The following RCC2 variants were observed in gnomAD, a reference collection of about 807,000 sequenced individuals.
RCC2 encodes regulator of chromosome condensation 2, also known as protein RCC2.
RCC2 carries 19 observed loss-of-function variants against 64.1 expected under a neutral mutation model. The ratio of observed to expected loss-of-function variants is 0.30; its 90% CI spans 0.21 to 0.44. RCC2 has a LOEUF of 0.44. RCC2 is among the 20% of genes least tolerant of loss of function. RCC2 has a pLI of 1.00. For missense variants in RCC2, 508 were observed against 710.4 expected, an observed-to-expected ratio of 0.72 and a Z score of 3.24; for synonymous variants, 325 against 279.6, an observed-to-expected ratio of 1.16 and a Z score of -1.62.
At chr1:17,421,637 G>A (rs753162383) in intron 6 of RCC2, among the ~76,000 whole-genome samples, 4 of 152,132 alleles carry the variant, frequency 2.6e-5, no homozygotes, top group Non-Finnish European at 4.4e-5. Context: ...AACAGAACAG[G>A]CTTACGACAA....
chr1:17,412,920 G>A (rs886919542), intron 10 of RCC2, among the ~76,000 whole-genome samples, 153 bp downstream of exon 10: 4 of 152,118 alleles, frequency 2.6e-5, no homozygotes, highest in Admixed American at 6.5e-5. Flanking sequence ...CTGTACCCCC[G>A]GACTCTGGGA....
intron 2 of RCC2, among the ~76,000 whole-genome samples, chr1:17,431,347 A>T (rs1254302974): frequency 5.7e-5 from 3 of 53,022 alleles, no homozygotes; most frequent in African/African-American, 2.4e-4. Context: ...AAAAAAAAAA[A>T]AAAAAAAAAA....
chr1:17,409,247 G>A (rs2075399264), intron 12 of RCC2, 53 bp from the exon 13 acceptor site: 2 of 1,125,920 alleles, frequency 1.8e-6, no homozygotes, highest in Non-Finnish European at 2.7e-6. Flanking sequence ...ACTAATCAAT[G>A]CGTTGAAGAG....
In RCC2 at chr1:17,438,529, GGA is replaced by G. The variant is rs746200288; in HGVS notation, c.-8-9_-8-8del. On this transcript the variant is annotated splice_region_variant and splice_polypyrimidine_tract_variant and intron_variant, in intron 1 of 12. Transcript: ENST00000375436. ...TTCCTGGGCATGGTCGCGGCTGGAG[GGA>G]GACACGGGGCAGCGGCGCACAATGG... 138 of 1,326,778 alleles carry G rather than the reference GGA, an allele frequency of 1.0e-4. No individual in the cohort carries two copies. The highest frequency in any genetic ancestry group is 1.3e-4 in the Non-Finnish European group (133 of 1,040,200). The allele number at this position is 1,326,778 out of a possible 1,614,324, so 82.2% of individuals were successfully genotyped here.
intron 3 of RCC2, among the ~76,000 whole-genome samples, chr1:17,426,531 TCTGCTCAGCC>T (rs963884569): frequency 9.2e-5 from 14 of 152,002 alleles, no homozygotes; most frequent in African/African-American, 2.7e-4. Context: ...CTGCCCCAGC[TCTGCTCAGCC>T]CTGCTCAGCC....
intron 2 of RCC2, among the ~76,000 whole-genome samples, chr1:17,433,145 A>G (rs2075700884): frequency 1.3e-5 from 2 of 152,242 alleles, no homozygotes; most frequent in Non-Finnish European, 2.9e-5. Flanking sequence ...AAGGACATTA[A>G]CTGTTATTCA....
chr1:17,429,339 T>C, intron 2 of RCC2, 140 bp from the exon 3 acceptor site: 1 of 677,008 alleles, frequency 1.5e-6, no homozygotes, highest in Non-Finnish European at 2.6e-6. Flanking sequence ...ACGAACAGAG[T>C]CTCCCCACAC....
intron 3 of RCC2, among the ~76,000 whole-genome samples, chr1:17,427,664 C>T (rs1268258630): frequency 6.6e-6 from 1 of 152,110 alleles, no homozygotes; most frequent in Non-Finnish European, 1.5e-5. Context: ...CGGTGCCACA[C>T]TTGAACTTGC....
rs6682162 is a variant in RCC2, at chr1:17,416,922, C to A, written c.860-276G>T. Among the ~76,000 whole-genome samples the A allele has an allele frequency of 5.1e-3, 771 of 152,278 alleles. 8 individuals carry two copies. Among genetic ancestry groups the A allele is most frequent in the African/African-American group, 0.018 (745 of 41,552 alleles). Reference sequence around the variant, plus strand: ...GAATACTCTACACATAATAATGGCACCATGTTACAACAATTCCAGGTAAGG... The same window carrying A: ...GAATACTCTACACATAATAATGGCAACATGTTACAACAATTCCAGGTAAGG... On this transcript the variant is annotated intron_variant, in intron 7 of 12. Coordinates refer to ENST00000375436, the MANE Select transcript of RCC2 (RefSeq NM_018715.4).
chr1:17,412,898 C>G (rs1186610669), intron 10 of RCC2, among the ~76,000 whole-genome samples, 175 bp downstream of exon 10: 4 of 152,224 alleles, frequency 2.6e-5, no homozygotes, highest in Non-Finnish European at 5.9e-5. Context: ...AGCAAATGGG[C>G]CCTCTCCCCT....
chr1:17,415,100 A>G (rs756747882), intron 8 of RCC2, among the ~76,000 whole-genome samples: 2 of 152,260 alleles, frequency 1.3e-5, no homozygotes, highest in Non-Finnish European at 2.9e-5. Context: ...ATGGGAATCT[A>G]CAACTTACTA....
chr1:17,416,365 G>A, intron 8 of RCC2, 115 bp downstream of exon 8: 2 of 1,183,284 alleles, frequency 1.7e-6, no homozygotes, highest in Middle Eastern at 3.0e-4. Flanking sequence ...GAAGAAGCAA[G>A]CAGATGTCTA....
intron 12 of RCC2, among the ~76,000 whole-genome samples, chr1:17,409,545 G>A (rs937879591): frequency 2.6e-5 from 4 of 152,206 alleles, no homozygotes; most frequent in African/African-American, 9.6e-5. Context: ...CCCTCTCTGT[G>A]TCTTGGCAGA....
chr1:17,439,404 CT>C (rs2075782043), intron 1 of RCC2, 140 bp downstream of exon 1: 3 of 149,310 alleles, frequency 2.0e-5, no homozygotes, highest in Admixed American at 2.0e-4. Context: ...GTGGATCCGC[CT>C]TCCTTCCTCT....
intron 8 of RCC2, 150 bp downstream of exon 8, chr1:17,416,330 T>A: frequency 1.2e-6 from 1 of 805,394 alleles, no homozygotes; most frequent in Non-Finnish European, 1.9e-6. Context: ...CCAAGGACCC[T>A]TTGGCCAAGG....
At chr1:17,436,279 A>G (rs757088204) in intron 2 of RCC2, among the ~76,000 whole-genome samples, 10 of 152,112 alleles carry the variant, frequency 6.6e-5, no homozygotes, top group Non-Finnish European at 1.3e-4. Flanking sequence ...TGAGGCAGGC[A>G]GATCACTTGA....
chr1:17,412,082 T>G, intron 11 of RCC2, 40 bp downstream of exon 11: 1 of 1,598,352 alleles, frequency 6.3e-7, no homozygotes, highest in Non-Finnish European at 8.6e-7. Flanking sequence ...CCACCCTGAC[T>G]GGCTTCCACT....
At chr1:17,430,712 C>T (rs2075666397) in intron 2 of RCC2, among the ~76,000 whole-genome samples, 6 of 151,714 alleles carry the variant, frequency 4.0e-5, no homozygotes, top group Admixed American at 3.3e-4. Flanking sequence ...CCCTTGAACC[C>T]GGGAGGCGGA....
At chr1:17,411,228 G>A (rs2100351694) in intron 11 of RCC2, among the ~76,000 whole-genome samples, 1 of 152,152 alleles carries the variant, frequency 6.6e-6, no homozygotes, top group East Asian at 1.9e-4. Context: ...CATGACTAGT[G>A]TAGGCAGATC....
Sources: allele counts gnomAD v4.1 joint callset (sites outside exome capture counted in the v4.1 genomes callset), GRCh38; gene constraint gnomAD v4.1.1; transcripts MANE v1.5; gene names NCBI Gene and HGNC (gene_info 2026-07-23, HGNC 2026-07-21).